The following TMEM132D variants were observed in gnomAD, a reference collection of about 807,000 sequenced individuals.
TMEM132D encodes the protein transmembrane protein 132D, also known as mature OL transmembrane protein.
Under a neutral mutation model 62.3 loss-of-function variants are expected in TMEM132D, and 21 were observed. The observed-to-expected ratio is 0.34, with a 90% CI of 0.24 to 0.49. The LOEUF is 0.49. Ranked by LOEUF, TMEM132D falls within the 20% of genes least tolerant of loss-of-function variation. The pLI is 0.99. For synonymous variants in TMEM132D, 621 were observed against 575.6 expected (o/e 1.08, Z -1.13); for missense variants, 1,346 against 1,402.8 (o/e 0.96, Z 0.65).
Position 129,139,857 on chromosome 12 carries a change from T to C in TMEM132D, c.1444-55155A>G, listed in dbSNP as rs547068123. 2.0e-5 allele frequency among the ~76,000 whole-genome samples: 3 copies of C among 152,072 alleles called. No homozygotes were observed. The South Asian group carries it at 6.2e-4, about 32-fold the overall frequency. On this transcript the variant is annotated intron_variant, in intron 5 of 8. Transcript: ENST00000422113. ...TCCTGAGTAGCTGGGACTACAGGCA[T>C]GTGCCACCATGTCCAGCTAATTTTT...
intron 2 of TMEM132D, among the ~76,000 whole-genome samples, chr12:129,555,538 A>G (rs1236378916): frequency 6.6e-6 from 1 of 152,246 alleles, no homozygotes; most frequent in Non-Finnish European, 1.5e-5. Context: ...GACATTCGAA[A>G]GTCATCAGAA....
At chr12:129,380,752 G>A (rs768480521) in intron 3 of TMEM132D, among the ~76,000 whole-genome samples, 8 of 151,894 alleles carry the variant, frequency 5.3e-5, no homozygotes, top group Non-Finnish European at 7.4e-5. Flanking sequence ...CCTGGCAACC[G>A]CTATTGTGTT....
At chr12:129,852,258 C>T (rs2137355393) in intron 1 of TMEM132D, 1 of 152,238 alleles carries the variant, frequency 6.6e-6, no homozygotes, top group East Asian at 1.9e-4. Context: ...AAATACACAA[C>T]CAAGGCTAGG....
At chr12:129,435,244 A>G (rs1281642675) in intron 3 of TMEM132D, among the ~76,000 whole-genome samples, 1 of 152,164 alleles carries the variant, frequency 6.6e-6, no homozygotes. Context: ...TGGTTTCCAT[A>G]TCTTGGCTAT....
intron 8 of TMEM132D, among the ~76,000 whole-genome samples, chr12:129,075,955 C>T (rs1423479251): frequency 6.6e-6 from 1 of 152,084 alleles, no homozygotes; most frequent in Non-Finnish European, 1.5e-5. Flanking sequence ...ACCTGCTCCG[C>T]CCCAAGCCCG....
chr12:129,639,008 G>C (rs1879573092), intron 2 of TMEM132D, among the ~76,000 whole-genome samples: 2 of 152,004 alleles, frequency 1.3e-5, no homozygotes, highest in African/African-American at 4.8e-5. Flanking sequence ...AAGATAATAA[G>C]GAAAAAGGTC....
At chr12:129,635,158 A>G (rs745728006) in intron 2 of TMEM132D, among the ~76,000 whole-genome samples, 17 of 152,244 alleles carry the variant, frequency 1.1e-4, no homozygotes, top group Non-Finnish European at 2.1e-4. Flanking sequence ...TCGCTGTCCC[A>G]GCATCCACCA....
intron 2 of TMEM132D, among the ~76,000 whole-genome samples, chr12:129,597,094 AATG>A (rs1211071506): frequency 6.6e-6 from 1 of 152,080 alleles, no homozygotes; most frequent in Non-Finnish European, 1.5e-5. Flanking sequence ...CACTTAGGGG[AATG>A]ATATTTTCGT....
At chr12:129,798,643 C>A (rs189595387) in intron 1 of TMEM132D, among the ~76,000 whole-genome samples, 164 of 152,120 alleles carry the variant, frequency 1.1e-3, no homozygotes, top group African/African-American at 3.6e-3. Flanking sequence ...GGTCTTCCTG[C>A]CCATGTTCCC....
chr12:129,442,706 G>A (rs886621427), intron 3 of TMEM132D, among the ~76,000 whole-genome samples: 4 of 152,066 alleles, frequency 2.6e-5, no homozygotes, highest in Non-Finnish European at 5.9e-5. Flanking sequence ...GAATAATACT[G>A]GAATCCATGC....
chr12:129,774,500 G>T (rs761581676), intron 1 of TMEM132D, among the ~76,000 whole-genome samples: 13 of 152,188 alleles, frequency 8.5e-5, no homozygotes, highest in Non-Finnish European at 1.8e-4. Context: ...CAGGTGGGGG[G>T]CCCGTTGCAA....
At chr12:129,890,093 G>A (rs1381652022) in intron 1 of TMEM132D, among the ~76,000 whole-genome samples, 2 of 152,270 alleles carry the variant, frequency 1.3e-5, no homozygotes, top group East Asian at 3.9e-4. Flanking sequence ...ATGAAGATTG[G>A]CACACAGAAC....
chr12:129,394,314 A>G (rs1407598005), intron 3 of TMEM132D, among the ~76,000 whole-genome samples: 1 of 152,198 alleles, frequency 6.6e-6, no homozygotes, highest in African/African-American at 2.4e-5. Flanking sequence ...CTGGGAATAC[A>G]AACCCTGAAC....
At chr12:129,361,217 G>A (rs1391428988) in intron 3 of TMEM132D, among the ~76,000 whole-genome samples, 1 of 152,212 alleles carries the variant, frequency 6.6e-6, no homozygotes, top group Non-Finnish European at 1.5e-5. Context: ...ACACAGGTGA[G>A]CTTGCATGGA....
chr12:129,785,022 C>T (rs749126279), intron 1 of TMEM132D, among the ~76,000 whole-genome samples: 9 of 152,238 alleles, frequency 5.9e-5, no homozygotes, highest in Middle Eastern at 3.4e-3. Context: ...CTCAGTGGCA[C>T]GTTTATTTTC....
At chr12:129,227,189 C>T (rs1293533641) in intron 4 of TMEM132D, among the ~76,000 whole-genome samples, 1 of 151,056 alleles carries the variant, frequency 6.6e-6, no homozygotes, top group Admixed American at 6.6e-5. Flanking sequence ...AGCATGTGGC[C>T]AAATATGGAT....
intron 1 of TMEM132D, among the ~76,000 whole-genome samples, chr12:129,888,667 G>A (rs1322607382): frequency 1.3e-5 from 2 of 152,296 alleles, no homozygotes; most frequent in East Asian, 3.9e-4. Context: ...TCACGCCATT[G>A]CACTGCAGCT....
At chr12:129,394,500 G>A (rs933168190) in intron 3 of TMEM132D, among the ~76,000 whole-genome samples, 2 of 152,160 alleles carry the variant, frequency 1.3e-5, no homozygotes, top group Admixed American at 1.3e-4. Flanking sequence ...GCCTGCGTGA[G>A]TTCTTAGAAA....
At chr12:129,533,118 C>T (rs564653047) in intron 2 of TMEM132D, among the ~76,000 whole-genome samples, 6 of 152,310 alleles carry the variant, frequency 3.9e-5, no homozygotes, top group Non-Finnish European at 7.3e-5. Context: ...TGTGGCCCTA[C>T]TGCAAAAGTC....
Sources: gnomAD v4.1 joint callset for allele counts (sites outside exome capture counted in the v4.1 genomes callset) on GRCh38, gnomAD v4.1.1 for gene constraint, MANE v1.5 for transcripts, NCBI Gene and HGNC (gene_info 2026-07-23, HGNC 2026-07-21) for gene names.